SPTB: variants seen among roughly 807,000 people sequenced by gnomAD.
SPTB encodes the protein spectrin beta, erythrocytic.
In SPTB, 45 loss-of-function variants were observed where a neutral mutation model predicts 256.2. The ratio of observed to expected loss-of-function variants is 0.18; its 90% CI spans 0.14 to 0.23. SPTB has a LOEUF of 0.23. SPTB is among the 10% of genes least tolerant of loss of function. The pLI is 1.00. For synonymous variants in SPTB, 1,231 were observed against 1,243.1 expected, an observed-to-expected ratio of 0.99 and a Z score of 0.21; for missense variants, 2,715 against 3,040.4, an observed-to-expected ratio of 0.89 and a Z score of 2.52.
Position 64,793,518 on chromosome 14 carries a change from C to G in SPTB, c.2145G>C (p.Glu715Asp). 2 of 1,614,162 alleles carry G rather than the reference C, an allele frequency of 1.2e-6. No individual in the cohort carries two copies. The highest frequency in any genetic ancestry group is 1.7e-6 in the Non-Finnish European group (2 of 1,180,034). Residue 715 changes from glutamate (E) to aspartate (D), a missense_variant, in exon 14 of 36, where the codon GAG becomes GAC. Coordinates refer to ENST00000644917, the MANE Select transcript of SPTB (RefSeq NM_001355436.2). The surrounding 1 kb of genome is among the most constrained non-coding windows in gnomAD (Gnocchi z 7.0). ...GTGCCGACACCTCCTTTATGCGGGC[C>G]TCGATCTGCGGGTGCCCAAACTGCT... ...ARKQFGHPQI[E>D]ARIKEVSAQW...
At position 64,823,190 on chromosome 14, in the gene SPTB, C is replaced by A; in HGVS notation, c.-51-45G>T. ...TCAGAGGGTTATCTCTCTACCCCCT[C>A]GGACTTTTTCTCCGGGGAAACTTAT... On this transcript the variant is annotated intron_variant, in intron 1 of 35. Coordinates refer to ENST00000644917, the MANE Select transcript of SPTB (RefSeq NM_001355436.2). This position sits in a 1 kb window ranked among gnomAD's most constrained non-coding sequence, Gnocchi z 6.5. 2 of 1,489,070 alleles carry A rather than the reference C, an allele frequency of 1.3e-6. No homozygotes were observed. The highest frequency in any genetic ancestry group is 1.9e-6 in the Non-Finnish European group (2 of 1,071,448). 92.2% of individuals were successfully genotyped at this position (1,489,070 alleles called of 1,614,324 possible). A position where few individuals can be genotyped will look rare whatever the true frequency, so the allele number is the denominator to read the frequency against.
rs1566748268 is a variant in SPTB at position 64,774,678 on chromosome 14, C to A, written c.4843-151G>T. ...GAGAGCCACACATGCTTCCTTCCTG[C>A]CCTTCTGATTTCCCAGCAATGCCCG... On this transcript the variant is annotated intron_variant, in intron 23 of 35. Coordinates refer to ENST00000644917, the MANE Select transcript of SPTB (RefSeq NM_001355436.2). The A allele has an allele frequency of 3.3e-6, 4 of 1,219,796 alleles. No homozygotes were observed. In the East Asian group the frequency reaches 7.7e-5, roughly 23 times the overall value. The allele number at this position is 1,219,796 out of a possible 1,614,324, so 75.6% of individuals were successfully genotyped here. A position where few individuals can be genotyped will look rare whatever the true frequency, so the allele number is the denominator to read the frequency against.
chr14:64,785,539 C>T lies in SPTB; in HGVS notation c.3853G>A (p.Glu1285Lys). 6.2e-7 allele frequency: 1 copy of T among 1,612,496 alleles called. No homozygotes were observed. Among genetic ancestry groups the T allele is most frequent in the Non-Finnish European group, 8.5e-7 (1 of 1,179,456 alleles). Residue 1285 changes from glutamate (E) to lysine (K), a missense_variant and splice_region_variant, in exon 18 of 36, where the codon GAG (glutamate) becomes AAG (lysine). Physicochemically the swap from Glu to Lys is moderately conservative, Grantham distance 56. Around this residue, in one of 4 missense-constraint regions of SPTB, gnomAD observed 2,239 missense variants for 2,384.4 expected, o/e 0.94. Transcript: ENST00000644917. The surrounding 1 kb of genome is among the most constrained non-coding windows in gnomAD (Gnocchi z 4.4). Reference protein sequence around the residue: ...ELQNFLQNCQELTLWINDKLL... With the variant: ...ELQNFLQNCQKLTLWINDKLL... Reference sequence around the variant, plus strand: ...GCCACTCCTTGCTGGAGCCTCACCTCCTGGCAGTTCTGGAGGAAGTTCTGT... The same window carrying T: ...GCCACTCCTTGCTGGAGCCTCACCTTCTGGCAGTTCTGGAGGAAGTTCTGT...
intron 32 of SPTB, chr14:64,754,222 G>A (rs576993544): frequency 1.0e-4 from 33 of 317,752 alleles, no homozygotes; most frequent in African/African-American, 6.2e-4. Context: ...GCTAAGACAA[G>A]TTCGGCAACC....
Position 64,779,910 on chromosome 14 carries a change from C to G in SPTB, c.4288G>C (p.Val1430Leu), listed in dbSNP as rs1240452276. The change falls in exon 21 of 36, where the codon GTG becomes CTG. Residue 1430 changes from valine to leucine, a missense_variant. By Grantham distance (32) the Val-to-Leu change is conservative. Coordinates refer to ENST00000644917, the MANE Select transcript of SPTB (RefSeq NM_001355436.2). The surrounding 1 kb of genome is among the most constrained non-coding windows in gnomAD (Gnocchi z 4.2). ...KLKRVEDQVN[V>L]RKEELGELFA... Reference sequence around the variant, plus strand: ...AGCTCCCCCAGCTCCTCTTTTCGCACATTCACTTGGTCCTCCACTCGCTGA... The same window carrying G: ...AGCTCCCCCAGCTCCTCTTTTCGCAGATTCACTTGGTCCTCCACTCGCTGA... 6.2e-7 allele frequency: 1 copy of G among 1,613,786 alleles called. No individual in the cohort carries two copies. The highest frequency in any genetic ancestry group is 8.5e-7 in the Non-Finnish European group (1 of 1,179,888).
chr14:64,871,381 G>A (rs2139824317), intron 1 of SPTB, among the ~76,000 whole-genome samples: 1 of 152,270 alleles, frequency 6.6e-6, no homozygotes, highest in East Asian at 1.9e-4. Flanking sequence ...AAAGAGACTG[G>A]TGCCAGAATA....
chr14:64,814,305 C>T (rs560398575), intron 2 of SPTB, among the ~76,000 whole-genome samples: 9 of 152,220 alleles, frequency 5.9e-5, no homozygotes, highest in Admixed American at 2.6e-4. Flanking sequence ...CATATTGTTA[C>T]ATGAAAGAGG....
intron 27 of SPTB, among the ~76,000 whole-genome samples, chr14:64,770,168 G>A (rs1305471703): frequency 6.6e-6 from 1 of 152,208 alleles, no homozygotes; most frequent in East Asian, 1.9e-4. Context: ...CAGGGACTAG[G>A]AAGAGAGGGG....
chr14:64,789,451 TG>T (rs1265134307), intron 15 of SPTB, among the ~76,000 whole-genome samples: 1 of 151,900 alleles, frequency 6.6e-6, no homozygotes, highest in African/African-American at 2.4e-5. Flanking sequence ...CATCAAGTGG[TG>T]ATAAGCGCAA....
At chr14:64,863,342 T>C (rs1881971312) in intron 1 of SPTB, among the ~76,000 whole-genome samples, 1 of 152,212 alleles carries the variant, frequency 6.6e-6, no homozygotes, top group African/African-American at 2.4e-5. Context: ...TAACGTTTTT[T>C]AAAAGTTTAT....
rs537922802 is a variant in SPTB, at chr14:64,852,650, T to C, written c.-52+27142A>G. On this transcript the variant is annotated intron_variant, in intron 1 of 35. Transcript: ENST00000644917. The surrounding 1 kb of genome is among the most constrained non-coding windows in gnomAD (Gnocchi z 4.2). ...TAGGATACTGGTAGGTGAGTGGAAATAGCAAGTGAGAGAAAGGGAAGAGCC... is the reference window on the plus strand; with the variant it reads ...TAGGATACTGGTAGGTGAGTGGAAACAGCAAGTGAGAGAAAGGGAAGAGCC... Among the ~76,000 whole-genome samples, 6 of 152,142 alleles carry C rather than the reference T, an allele frequency of 3.9e-5. No individual in the cohort carries two copies. The South Asian group carries it at 1.2e-3, about 32-fold the overall frequency.
Position 64,749,316 on chromosome 14 carries a change from T to C in SPTB, c.6977A>G (p.Lys2326Arg). 4.4e-6 allele frequency: 7 copies of C among 1,604,402 alleles called. No individual in the cohort carries two copies. The highest frequency in any genetic ancestry group is 5.9e-6 in the Non-Finnish European group (7 of 1,177,030). ...CGCCAGCCCCACCTGCTACTTCTTT[T>C]TGGGGAAGAAGCTGAATCTCTTCTC... ...DKEKRFSFFP[K>R]KK The change falls in exon 36 of 36, where the codon AAA becomes AGA. Residue 2326 changes from lysine to arginine, a missense_variant. Lys to Arg is a conservative substitution (Grantham distance 26, BLOSUM62 2). Coordinates refer to ENST00000644917, the MANE Select transcript of SPTB (RefSeq NM_001355436.2). The surrounding 1 kb of genome is among the most constrained non-coding windows in gnomAD (Gnocchi z 4.7).
intron 2 of SPTB, among the ~76,000 whole-genome samples, chr14:64,822,480 CCTGAGG>C (rs2083310964): frequency 6.6e-6 from 1 of 150,852 alleles, no homozygotes; most frequent in East Asian, 2.0e-4. Flanking sequence ...GAAAATCCTT[CCTGAGG>C]CAGTGGGGAG....
chr14:64,878,784 C>T (rs1220757770), intron 1 of SPTB, among the ~76,000 whole-genome samples: 1 of 151,742 alleles, frequency 6.6e-6, no homozygotes, highest in African/African-American at 2.4e-5. Context: ...CCCCCCACCC[C>T]ACCCCCCAAT....
intron 1 of SPTB, among the ~76,000 whole-genome samples, chr14:64,849,510 C>G (rs367871485): frequency 3.0e-4 from 46 of 152,262 alleles, no homozygotes; most frequent in African/African-American, 1.1e-3. Flanking sequence ...TTTACTAAAC[C>G]TTGGACACTT....
intron 8 of SPTB, 124 bp from the exon 9 acceptor site, chr14:64,800,058 T>C (rs950850972): frequency 8.0e-7 from 1 of 1,250,048 alleles, no homozygotes; most frequent in Non-Finnish European, 1.2e-6. Flanking sequence ...TGGAGTGCTC[T>C]AGGCTGGGTT....
intron 2 of SPTB, among the ~76,000 whole-genome samples, chr14:64,821,907 G>C (rs554089831): frequency 5.9e-5 from 9 of 152,274 alleles, no homozygotes; most frequent in Admixed American, 5.2e-4. Flanking sequence ...AGGCTTCAAG[G>C]TCTGCCAGGG....
At position 64,807,452 on chromosome 14, in the gene SPTB, CT is replaced by C. The variant is rs572135391; in HGVS notation, c.149-2363del. On this transcript the variant is annotated intron_variant, in intron 2 of 35. Transcript: ENST00000644917. This position sits in a 1 kb window ranked among gnomAD's most constrained non-coding sequence, Gnocchi z 4.7. ...GTTTTTACCACATGAATGATGCCCC[CT>C]GGACCCTCAAACGTGGGAGCCACAG... Among the ~76,000 whole-genome samples the C allele has an allele frequency of 1.2e-4, 18 of 152,326 alleles. No homozygotes were observed. The East Asian group carries it at 3.5e-3, about 29-fold the overall frequency.
At position 64,844,001 on chromosome 14, in the gene SPTB, A is replaced by T. The variant is rs2083648768; in HGVS notation, c.-51-20856T>A. Among the ~76,000 whole-genome samples, 1 of 152,182 alleles carries T rather than the reference A, an allele frequency of 6.6e-6. No homozygotes were observed. Among genetic ancestry groups the T allele is most frequent in the African/African-American group, 2.4e-5 (1 of 41,444 alleles). On this transcript the variant is annotated intron_variant, in intron 1 of 35. Transcript: ENST00000644917. The surrounding 1 kb of genome is among the most constrained non-coding windows in gnomAD (Gnocchi z 4.1). ...CCTTTCAGCCACCCTAATGTGTTTT[A>T]TCAAATTGTTTTTAATTATAAAAGT...
Sources: allele counts gnomAD v4.1 joint callset (sites outside exome capture counted in the v4.1 genomes callset), GRCh38; gene constraint gnomAD v4.1.1; regional missense constraint gnomAD v4.1.1; non-coding constraint Gnocchi (gnomAD v3.1); transcripts MANE v1.5; gene names NCBI Gene and HGNC (gene_info 2026-07-23, HGNC 2026-07-21).